SPAG16: variants seen among roughly 807,000 people sequenced by gnomAD.
SPAG16 encodes sperm associated antigen 16.
A neutral mutation model predicts 80.4 loss-of-function variants in SPAG16; 86 were observed. The ratio of observed to expected loss-of-function variants is 1.07; its 90% CI spans 0.90 to 1.28. The LOEUF is 1.28. Ranked by LOEUF, SPAG16 falls within the 50% of genes most tolerant of loss-of-function variation. The pLI, the probability that SPAG16 is intolerant of heterozygous loss-of-function variation, is 0.00. For synonymous variants in SPAG16, 294 were observed against 265.9 expected (o/e 1.11, Z -1.03); for missense variants, 870 against 765.3 (o/e 1.14, Z -1.61).
At chr2:214,041,970 CTGTGTG>C (rs199736767) in intron 13 of SPAG16, among the ~76,000 whole-genome samples, 3 of 92,752 alleles carry the variant, frequency 3.2e-5, no homozygotes, top group Admixed American at 1.0e-4. Flanking sequence ...ATTTGTGTGT[CTGTGTG>C]TGTATATATA....
At chr2:214,363,381 A>G (rs1699297289) in intron 15 of SPAG16, among the ~76,000 whole-genome samples, 1 of 151,960 alleles carries the variant, frequency 6.6e-6, no homozygotes, top group Non-Finnish European at 1.5e-5. Context: ...TCTTTAAGCA[A>G]TATTTTCTCT....
intron 15 of SPAG16, among the ~76,000 whole-genome samples, chr2:214,293,759 C>T (rs1305390636): frequency 1.3e-5 from 2 of 152,148 alleles, no homozygotes; most frequent in East Asian, 1.9e-4. Context: ...AAGTTCCTGG[C>T]CTTCCATCTC....
chr2:213,312,715 A>G (rs72937008), intron 4 of SPAG16, among the ~76,000 whole-genome samples: 32,822 of 151,600 alleles, frequency 0.22, 4,371 homozygotes, highest in Non-Finnish European at 0.31. Flanking sequence ...ATAACATTTA[A>G]TTACTAATTT....
intron 9 of SPAG16, among the ~76,000 whole-genome samples, chr2:213,377,903 ATTTTTT>A (rs200597218): frequency 2.4e-4 from 5 of 20,732 alleles, no homozygotes; most frequent in African/African-American, 9.3e-4. Context: ...ATATATATAT[ATTTTTT>A]TTTTTTTTTC....
chr2:213,605,642 A>G (rs545169308), intron 10 of SPAG16, among the ~76,000 whole-genome samples: 1 of 152,116 alleles, frequency 6.6e-6, no homozygotes, highest in Admixed American at 6.5e-5. Flanking sequence ...GGCGCCTGCC[A>G]CCACACCTGG....
chr2:213,660,822 A>T (rs898405368), intron 10 of SPAG16, among the ~76,000 whole-genome samples: 1 of 152,210 alleles, frequency 6.6e-6, no homozygotes, highest in Non-Finnish European at 1.5e-5. Flanking sequence ...AGAAATGCTA[A>T]ACCATTACAG....
chr2:213,972,214 C>T (rs1334879281), intron 12 of SPAG16, among the ~76,000 whole-genome samples: 1 of 151,008 alleles, frequency 6.6e-6, no homozygotes. Context: ...GGAGAAATGT[C>T]TATTCAAGTC....
intron 15 of SPAG16, among the ~76,000 whole-genome samples, chr2:214,336,489 T>C (rs1371847190): frequency 1.3e-5 from 2 of 151,966 alleles, no homozygotes; most frequent in African/African-American, 4.8e-5. Context: ...ATTAGAAAAA[T>C]AGGTTGAAGA....
At chr2:213,539,132 T>A (rs2076344514) in intron 10 of SPAG16, among the ~76,000 whole-genome samples, 1 of 152,184 alleles carries the variant, frequency 6.6e-6, no homozygotes, top group African/African-American at 2.4e-5. Context: ...GATATGTGAT[T>A]GAATTTATGG....
intron 10 of SPAG16, among the ~76,000 whole-genome samples, chr2:213,850,460 A>T (rs1231693737): frequency 6.6e-6 from 1 of 152,230 alleles, no homozygotes; most frequent in Non-Finnish European, 1.5e-5. Flanking sequence ...TAGAAATGTG[A>T]TTGGACAAAA....
chr2:213,997,889 C>A (rs1053938745), intron 12 of SPAG16, among the ~76,000 whole-genome samples: 7 of 152,158 alleles, frequency 4.6e-5, no homozygotes, highest in Non-Finnish European at 1.0e-4. Flanking sequence ...AAAATGGAAC[C>A]CTTACATTGA....
chr2:214,129,473 TC>T (rs2054654296), intron 14 of SPAG16, among the ~76,000 whole-genome samples: 1 of 152,174 alleles, frequency 6.6e-6, no homozygotes, highest in South Asian at 2.1e-4. Context: ...ATATACCTGA[TC>T]CCTTTGACTC....
At chr2:214,316,804 A>T (rs866162892) in intron 15 of SPAG16, among the ~76,000 whole-genome samples, 3 of 152,086 alleles carry the variant, frequency 2.0e-5, no homozygotes, top group Non-Finnish European at 4.4e-5. Context: ...CTAACTTAAC[A>T]AGCAGCTGAT....
At position 214,222,486 on chromosome 2, in the gene SPAG16, A is replaced by G. The variant is rs114522107; in HGVS notation, c.1720+73220A>G. Among the ~76,000 whole-genome samples, 755 of 151,856 alleles carry G rather than the reference A, an allele frequency of 5.0e-3. 5 individuals carry two copies. Among genetic ancestry groups the G allele is most frequent in the African/African-American group, 0.017 (714 of 41,424 alleles). Reference sequence around the variant, plus strand: ...AGAAATGAACCAGCCACCTACACAAACTCTTGTTAATCTTTTCAGCCAAAT... The same window carrying G: ...AGAAATGAACCAGCCACCTACACAAGCTCTTGTTAATCTTTTCAGCCAAAT... On this transcript the variant is annotated intron_variant, in intron 15 of 15. Transcript: ENST00000331683.
At position 214,271,139 on chromosome 2, in the gene SPAG16, A is replaced by G. The variant is rs534064221; in HGVS notation, c.1720+121873A>G. On this transcript the variant is annotated intron_variant, in intron 15 of 15. Transcript: ENST00000331683. ...ACTTTTTTGCATTTTTGTCTTCTCT[A>G]AAACCAATGACTAGTTAGTATACAT... 5.4e-4 allele frequency among the ~76,000 whole-genome samples: 83 copies of G among 152,308 alleles called. 1 individual carries two copies. Among genetic ancestry groups the G allele is most frequent in the Admixed American group, 5.2e-4 (8 of 15,280 alleles).
chr2:214,365,571 A>G (rs1196733076), intron 15 of SPAG16, among the ~76,000 whole-genome samples: 2 of 152,166 alleles, frequency 1.3e-5, no homozygotes, highest in Non-Finnish European at 2.9e-5. Flanking sequence ...GGGTAGTGTT[A>G]AGAACCAAAT....
Position 214,347,214 on chromosome 2 carries a change from C to A in SPAG16, c.1721-62926C>A, listed in dbSNP as rs73989442. Among the ~76,000 whole-genome samples, 945 of 152,186 alleles carry A rather than the reference C, an allele frequency of 6.2e-3. 10 individuals carry two copies. Among genetic ancestry groups the A allele is most frequent in the African/African-American group, 0.022 (901 of 41,514 alleles). ...TGCCTGTGGTAACATAAAAAGTTGTCAATGTACCTAATAAACTTAATGGTC... is the reference window on the plus strand; with the variant it reads ...TGCCTGTGGTAACATAAAAAGTTGTAAATGTACCTAATAAACTTAATGGTC... On this transcript the variant is annotated intron_variant, in intron 15 of 15. Transcript: ENST00000331683.
chr2:213,787,670 A>T (rs554887024), intron 10 of SPAG16, among the ~76,000 whole-genome samples: 1 of 152,158 alleles, frequency 6.6e-6, no homozygotes, highest in African/African-American at 2.4e-5. Flanking sequence ...AACAATTCAG[A>T]TTTGTTTTAT....
rs921883916 is a variant in SPAG16 at position 213,909,800 on chromosome 2, C to T, written c.1215-20160C>T. Among the ~76,000 whole-genome samples the T allele has an allele frequency of 7.1e-4, 108 of 152,220 alleles. No individual in the cohort carries two copies. In the Middle Eastern group the frequency reaches 0.01, roughly 14 times the overall value. On this transcript the variant is annotated intron_variant, in intron 11 of 15. Transcript: ENST00000331683. ...GGGCTTGTACTTACTTTACTTTGTGCGAGTGCCCTCACTTTCTACCCTCAA... is the reference window on the plus strand; with the variant it reads ...GGGCTTGTACTTACTTTACTTTGTGTGAGTGCCCTCACTTTCTACCCTCAA...
Sources: gnomAD v4.1 joint callset for allele counts (sites outside exome capture counted in the v4.1 genomes callset) on GRCh38, gnomAD v4.1.1 for gene constraint, MANE v1.5 for transcripts, NCBI Gene and HGNC (gene_info 2026-07-23, HGNC 2026-07-21) for gene names.